ABCE1: variants seen among roughly 807,000 people sequenced by gnomAD.
ABCE1 encodes the protein ATP-binding cassette sub-family E member 1.
Under a neutral mutation model 83.4 loss-of-function variants are expected in ABCE1, and 22 were observed. The ratio of observed to expected loss-of-function variants is 0.26; its 90% CI spans 0.19 to 0.38. ABCE1 has a LOEUF of 0.38. ABCE1 is among the 10% of genes least tolerant of loss of function. The probability of loss-of-function intolerance (pLI) is 1.00; values close to 1 mark genes in which losing one functional copy is unlikely to be tolerated. For missense variants in ABCE1, 330 were observed against 721.9 expected (o/e 0.46, Z 6.22); for synonymous variants, 204 against 233.7 (o/e 0.87, Z 1.16).
chr4:145,099,614 A>G (rs2126694711), intron 1 of ABCE1, among the ~76,000 whole-genome samples: 1 of 152,354 alleles, frequency 6.6e-6, no homozygotes, highest in East Asian at 1.9e-4. Flanking sequence ...ATATTAAGTT[A>G]GAGTTCTTCT....
At chr4:145,116,771 A>C (rs1403823457) in intron 9 of ABCE1, among the ~76,000 whole-genome samples, 1 of 151,834 alleles carries the variant, frequency 6.6e-6, no homozygotes, top group Non-Finnish European at 1.5e-5. Context: ...TCTGATGTTC[A>C]CTGATTTTAT....
intron 17 of ABCE1, among the ~76,000 whole-genome samples, chr4:145,126,075 T>G (rs749154226): frequency 6.6e-6 from 1 of 151,944 alleles, no homozygotes; most frequent in South Asian, 2.1e-4. Context: ...AAAAAAAGTA[T>G]ATTTTGAAAG....
At chr4:145,115,408 T>C (rs1260939318) in intron 9 of ABCE1, among the ~76,000 whole-genome samples, 1 of 151,984 alleles carries the variant, frequency 6.6e-6, no homozygotes, top group Non-Finnish European at 1.5e-5. Flanking sequence ...CGATGCAAGA[T>C]GAGTATCACC....
intron 7 of ABCE1, chr4:145,110,720 C>A (rs1749446691): frequency 1.8e-5 from 10 of 544,650 alleles, no homozygotes. Flanking sequence ...CCTCAGCCTC[C>A]CAAAGTGCTA....
rs1451394327 is a variant in ABCE1 at position 145,112,107 on chromosome 4, T to C, written c.711-132T>C. On this transcript the variant is annotated intron_variant, in intron 8 of 17. Transcript: ENST00000296577. ...AATTTTTACCATTACAAGTAGACTC[T>C]TCATTACTATTGGAGATTTGTGTTG... The C allele has an allele frequency of 1.1e-5, 7 of 614,566 alleles. 1 individual carries two copies. The highest frequency in any genetic ancestry group is 5.5e-6 in the Non-Finnish European group (2 of 365,012). 38.1% of individuals were successfully genotyped at this position (614,566 alleles called of 1,614,324 possible).
At chr4:145,109,827 G>A (rs1400037285) in intron 5 of ABCE1, among the ~76,000 whole-genome samples, 2 of 152,124 alleles carry the variant, frequency 1.3e-5, no homozygotes, top group African/African-American at 4.8e-5. Flanking sequence ...TTGAAAATAT[G>A]AGCAGGAAAC....
intron 17 of ABCE1, among the ~76,000 whole-genome samples, chr4:145,126,650 G>T (rs1450738633): frequency 6.6e-6 from 1 of 152,084 alleles, no homozygotes; most frequent in Non-Finnish European, 1.5e-5. Flanking sequence ...TTATCACTCT[G>T]TATCCATCAT....
At chr4:145,122,060 T>C (rs1028138831) in intron 13 of ABCE1, 3 of 152,206 alleles carry the variant, frequency 2.0e-5, no homozygotes, top group African/African-American at 7.2e-5. Context: ...AAAGAACTCT[T>C]ATAATTAAAA....
intron 11 of ABCE1, 30 bp downstream of exon 11, chr4:145,120,183 A>G: frequency 1.3e-6 from 2 of 1,560,172 alleles, no homozygotes; most frequent in South Asian, 1.2e-5. Flanking sequence ...ATAAGTAAAA[A>G]TCTTCCTGTT....
intron 9 of ABCE1, among the ~76,000 whole-genome samples, chr4:145,115,726 G>C (rs990844509): frequency 6.6e-6 from 1 of 151,874 alleles, no homozygotes; most frequent in African/African-American, 2.4e-5. Flanking sequence ...CATAGAGATA[G>C]AACATTTTCA....
intron 1 of ABCE1, among the ~76,000 whole-genome samples, chr4:145,099,377 C>T (rs971337850): frequency 6.6e-6 from 1 of 152,124 alleles, no homozygotes; most frequent in Admixed American, 6.5e-5. Context: ...ATTTATGTTG[C>T]AGTAGTTTGT....
At position 145,107,996 on chromosome 4, in the gene ABCE1, TCTTTA is replaced by T. The variant is rs759424133; in HGVS notation, c.190-13_190-9del. The T allele has an allele frequency of 4.3e-5, 68 of 1,588,250 alleles. No individual in the cohort carries two copies. The highest frequency in any genetic ancestry group is 6.7e-5 in the East Asian group (3 of 44,540). ...TCTACAAATTAATACAAAAATTAATTCTTTACTTTAAATAACAGAAATGCCCCTTT... is the reference window on the plus strand; with the variant it reads ...TCTACAAATTAATACAAAAATTAATTCTTTAAATAACAGAAATGCCCCTTT... On this transcript the variant is annotated splice_polypyrimidine_tract_variant and intron_variant, in intron 3 of 17. Coordinates refer to ENST00000296577, the MANE Select transcript of ABCE1 (RefSeq NM_002940.3).
At chr4:145,112,016 C>A (rs1255959606) in intron 8 of ABCE1, among the ~76,000 whole-genome samples, 1 of 152,212 alleles carries the variant, frequency 6.6e-6, no homozygotes, top group African/African-American at 2.4e-5. Flanking sequence ...GGTAGACCCT[C>A]ACCAGACCTG....
intron 13 of ABCE1, 92 bp downstream of exon 13, chr4:145,121,483 A>G: frequency 2.2e-6 from 2 of 905,436 alleles, no homozygotes; most frequent in Non-Finnish European, 3.4e-6. Flanking sequence ...TTTTCTCCAA[A>G]TTAGATTCTA....
In ABCE1 at chr4:145,110,554, C is replaced by T. The variant is rs1023262163; in HGVS notation, c.613+110C>T. The T allele has an allele frequency of 5.9e-6, 6 of 1,020,950 alleles. No homozygotes were observed. The African/African-American group carries it at 6.5e-5, about 11-fold the overall frequency. 63.2% of individuals were successfully genotyped at this position (1,020,950 alleles called of 1,614,324 possible). A position where few individuals can be genotyped will look rare whatever the true frequency, so the allele number is the denominator to read the frequency against. On this transcript the variant is annotated intron_variant, in intron 7 of 17. Transcript: ENST00000296577. The stretch of plus-strand genomic sequence containing the variant: ...GCAATGATGCAACCTCTGCTTACCA[C>T]AACCTCTGCCTCCCGGGTTCAAGCG...
chr4:145,102,251 A>G (rs1189997624), intron 1 of ABCE1, among the ~76,000 whole-genome samples: 1 of 152,206 alleles, frequency 6.6e-6, no homozygotes, highest in Non-Finnish European at 1.5e-5. Flanking sequence ...AGAGCCTAGA[A>G]TGGATTCCAG....
chr4:145,114,059 C>A (rs761145951), intron 9 of ABCE1, among the ~76,000 whole-genome samples: 1 of 152,092 alleles, frequency 6.6e-6, no homozygotes, highest in Non-Finnish European at 1.5e-5. Context: ...AGCACAAGTT[C>A]TACAGATACT....
At chr4:145,104,731 C>T (rs929771481) in intron 2 of ABCE1, among the ~76,000 whole-genome samples, 1 of 151,950 alleles carries the variant, frequency 6.6e-6, no homozygotes, top group East Asian at 1.9e-4. Context: ...TAGAATAATA[C>T]ATCAATATTT....
chr4:145,115,837 T>C (rs1183688585), intron 9 of ABCE1, among the ~76,000 whole-genome samples: 1 of 151,908 alleles, frequency 6.6e-6, no homozygotes, highest in East Asian at 1.9e-4. Flanking sequence ...AACAACTTTT[T>C]TAGGTGTCTG....
Sources: gnomAD v4.1 joint callset for allele counts (sites outside exome capture counted in the v4.1 genomes callset) on GRCh38, gnomAD v4.1.1 for gene constraint, MANE v1.5 for transcripts, NCBI Gene and HGNC (gene_info 2026-07-23, HGNC 2026-07-21) for gene names.